Variants in GABRG1 observed in about 807,000 individuals in gnomAD.
The protein encoded by GABRG1 is gamma-aminobutyric acid type A receptor subunit gamma1.
Under a neutral mutation model 49.8 loss-of-function variants are expected in GABRG1, and 49 were observed. The observed-to-expected ratio is 0.98, with a 90% CI of 0.78 to 1.25. The LOEUF is 1.25. GABRG1 is among the 50% of genes most tolerant of loss of function. The pLI is 0.00. For synonymous variants in GABRG1, 232 were observed against 185.1 expected (o/e 1.25, Z -2.06); for missense variants, 552 against 552.3 (o/e 1.00, Z 0.01).
chr4:46,106,317 G>A (rs575288389), intron 1 of GABRG1, among the ~76,000 whole-genome samples: 18 of 151,476 alleles, frequency 1.2e-4, no homozygotes, highest in African/African-American at 4.1e-4. Context: ...CTGATGTTTG[G>A]TTGATCAGTC....
intron 2 of GABRG1, among the ~76,000 whole-genome samples, chr4:46,088,147 C>T (rs1002047762): frequency 1.5e-4 from 23 of 151,848 alleles, no homozygotes; most frequent in African/African-American, 3.4e-4. Flanking sequence ...AACACCATGT[C>T]GCCTGTAAAT....
chr4:46,098,598 C>T (rs138890360), intron 1 of GABRG1, among the ~76,000 whole-genome samples: 1 of 151,874 alleles, frequency 6.6e-6, no homozygotes, highest in East Asian at 2.0e-4. Context: ...CTAAGAAATA[C>T]ATCAAGCATG....
At chr4:46,080,908 C>T (rs1719542371) in intron 3 of GABRG1, among the ~76,000 whole-genome samples, 1 of 151,810 alleles carries the variant, frequency 6.6e-6, no homozygotes. Flanking sequence ...CAATGTACTA[C>T]TTTATGAAAT....
intron 6 of GABRG1, 42 bp from the exon 7 acceptor site, chr4:46,058,411 T>A (rs1304045687): frequency 6.3e-7 from 1 of 1,595,738 alleles, no homozygotes; most frequent in South Asian, 1.1e-5. Context: ...ATAATATAAA[T>A]CACAATCCAT....
At chr4:46,072,707 A>T (rs1193141841) in intron 3 of GABRG1, among the ~76,000 whole-genome samples, 1 of 142,574 alleles carries the variant, frequency 7.0e-6, no homozygotes, top group Non-Finnish European at 1.6e-5. Flanking sequence ...ATCTGAAAAG[A>T]AGTGATCTAC....
At chr4:46,070,913 C>A (rs578245324) in intron 3 of GABRG1, among the ~76,000 whole-genome samples, 5 of 152,154 alleles carry the variant, frequency 3.3e-5, no homozygotes, top group African/African-American at 9.6e-5. Flanking sequence ...CAATGTGAAT[C>A]ACATCTAAAT....
intron 3 of GABRG1, among the ~76,000 whole-genome samples, chr4:46,077,242 T>C (rs1264491440): frequency 1.3e-5 from 2 of 151,698 alleles, no homozygotes; most frequent in Non-Finnish European, 2.9e-5. Context: ...ATGGCACATG[T>C]ATACATATGT....
At chr4:46,098,625 C>T (rs530383847) in intron 1 of GABRG1, among the ~76,000 whole-genome samples, 8 of 151,822 alleles carry the variant, frequency 5.3e-5, no homozygotes, top group South Asian at 2.1e-4. Context: ...CAAGAGAACA[C>T]GCCAGTCCGA....
At position 46,058,220 on chromosome 4, in the gene GABRG1, A is replaced by G. The variant is rs549592022; in HGVS notation, c.913T>C (p.Leu305=). The change falls in exon 7 of 9, where the codon TTG becomes CTG. Residue 305 remains leucine, a synonymous_variant. Transcript: ENST00000295452. ...NKDAVPARTS[L]GITTVLTMTT... The stretch of plus-strand genomic sequence containing the variant: ...AGCATAATATTACATGTCATACCCA[A>G]CGATGTTCTTGCAGGCACTGCATCT... The G allele has an allele frequency of 6.8e-5, 109 of 1,610,566 alleles. 1 individual carries two copies. In the South Asian group the frequency reaches 1.1e-3, roughly 17 times the overall value.
At chr4:46,048,358 A>C (rs1718079798) in intron 8 of GABRG1, among the ~76,000 whole-genome samples, 1 of 148,404 alleles carries the variant, frequency 6.7e-6, no homozygotes, top group South Asian at 2.1e-4. Context: ...AAATTTGGTC[A>C]TAATGGAATA....
chr4:46,101,951 G>A (rs982374721), intron 1 of GABRG1, among the ~76,000 whole-genome samples: 1 of 151,564 alleles, frequency 6.6e-6, no homozygotes, highest in Non-Finnish European at 1.5e-5. Context: ...CTATACTAGT[G>A]AGACAATAGA....
intron 7 of GABRG1, among the ~76,000 whole-genome samples, chr4:46,057,927 C>A (rs193112604): frequency 6.6e-6 from 1 of 152,052 alleles, no homozygotes; most frequent in Non-Finnish European, 1.5e-5. Context: ...TTAGGAATTA[C>A]GTATGATTTT....
chr4:46,063,430 C>G (rs531407116), intron 5 of GABRG1, among the ~76,000 whole-genome samples: 21 of 152,154 alleles, frequency 1.4e-4, no homozygotes, highest in Non-Finnish European at 2.6e-4. Context: ...AATCCTTTCC[C>G]CTATTTAATA....
intron 7 of GABRG1, among the ~76,000 whole-genome samples, chr4:46,053,728 TTAAG>T (rs1718331959): frequency 6.6e-6 from 1 of 152,028 alleles, no homozygotes; most frequent in African/African-American, 2.4e-5. Flanking sequence ...TTTTACTTTA[TTAAG>T]TTTCTGTTAC....
Position 46,041,271 on chromosome 4 carries a change from A to G in GABRG1, c.1132-17T>C, listed in dbSNP as rs1577624833. 2 of 1,605,136 alleles carry G rather than the reference A, an allele frequency of 1.2e-6. No individual in the cohort carries two copies. The highest frequency in any genetic ancestry group is 2.2e-5 in the South Asian group (2 of 90,314). Reference sequence around the variant, plus strand: ...AGGAGTCATCTGAGCACAATAATAAATGAATTTTTGACATCAAAAAAGTAG... The same window carrying G: ...AGGAGTCATCTGAGCACAATAATAAGTGAATTTTTGACATCAAAAAAGTAG... On this transcript the variant is annotated splice_polypyrimidine_tract_variant and intron_variant, in intron 8 of 8. Coordinates refer to ENST00000295452, the MANE Select transcript of GABRG1 (RefSeq NM_173536.4).
chr4:46,070,446 A>T (rs1363337230), intron 3 of GABRG1, among the ~76,000 whole-genome samples: 3 of 152,008 alleles, frequency 2.0e-5, no homozygotes, highest in African/African-American at 7.2e-5. Context: ...ATGAACTCCC[A>T]GTTCTTAAGA....
At chr4:46,110,770 G>A (rs543030732) in intron 1 of GABRG1, among the ~76,000 whole-genome samples, 26 of 150,990 alleles carry the variant, frequency 1.7e-4, no homozygotes, top group African/African-American at 5.6e-4. Context: ...CTCAATAGAC[G>A]TGGAAAAAGC....
chr4:46,122,106 T>A (rs1363256019), intron 1 of GABRG1, among the ~76,000 whole-genome samples: 1 of 152,070 alleles, frequency 6.6e-6, no homozygotes, highest in Non-Finnish European at 1.5e-5. Context: ...ACACATGAGA[T>A]CATGTCTCCA....
intron 3 of GABRG1, among the ~76,000 whole-genome samples, chr4:46,075,304 T>C (rs1369754752): frequency 6.6e-6 from 1 of 152,024 alleles, no homozygotes; most frequent in Non-Finnish European, 1.5e-5. Context: ...TCAAAATTCT[T>C]TTTGTTAATT....
Sources: gnomAD v4.1 joint callset for allele counts (sites outside exome capture counted in the v4.1 genomes callset) on GRCh38, gnomAD v4.1.1 for gene constraint, MANE v1.5 for transcripts, NCBI Gene and HGNC (gene_info 2026-07-23, HGNC 2026-07-21) for gene names.